CSNK1E: variants seen among roughly 807,000 people sequenced by gnomAD.
The protein encoded by CSNK1E is casein kinase 1 epsilon, also known as casein kinase I isoform epsilon.
A neutral mutation model predicts 46.1 loss-of-function variants in CSNK1E; 17 were observed. That is an observed-to-expected ratio of 0.37 (90% CI 0.25 to 0.55). CSNK1E has a LOEUF of 0.55. Ranked by LOEUF, CSNK1E falls within the 20% of genes least tolerant of loss-of-function variation. CSNK1E has a pLI of 0.82. For missense variants in CSNK1E, 386 were observed against 595.4 expected (o/e 0.65, Z 3.66); for synonymous variants, 241 against 242.6 (o/e 0.99, Z 0.06).
intron 6 of CSNK1E, 42 bp downstream of exon 6, chr22:38,299,853 T>TC (rs779946187): frequency 1.2e-6 from 2 of 1,601,200 alleles, no homozygotes; most frequent in African/African-American, 2.7e-5. Flanking sequence ...AGACAGTGCC[T>TC]CAGGGGCCCC....
Position 38,303,047 on chromosome 22 carries a change from GGC to G in CSNK1E, c.188-40_188-39del. 7.4e-5 allele frequency: 2 copies of G among 26,946 alleles called. No homozygotes were observed. The highest frequency in any genetic ancestry group is 1.1e-4 in the Non-Finnish European group (2 of 18,920). 1.7% of individuals were successfully genotyped at this position (26,946 alleles called of 1,614,324 possible). A position where few individuals can be genotyped will look rare whatever the true frequency, so the allele number is the denominator to read the frequency against. On this transcript the variant is annotated intron_variant, in intron 3 of 10. Transcript: ENST00000396832. This position sits in a 1 kb window ranked among gnomAD's most constrained non-coding sequence, Gnocchi z 4.7. ...CAGAGGGCCTCTGTCAGGGGTCAGA[GGC>G]AGGCAGCCAGCCACGCCCGGCCCAC...
Position 38,317,407 on chromosome 22 carries a change from GCCC to G in CSNK1E, c.-263_-261del, listed in dbSNP as rs917439783. On this transcript the variant is annotated 5_prime_UTR_variant, in exon 1 of 11. Transcript: ENST00000396832. ...CTCCCGGCCTCCTGCCCGCCCGCCCGCCCCCGCCGCCGGCTCGCGCGCTCTCGC... is the reference window on the plus strand; with the variant it reads ...CTCCCGGCCTCCTGCCCGCCCGCCCGCCGCCGCCGGCTCGCGCGCTCTCGC... 5.5e-5 allele frequency: 1 copy of G among 18,088 alleles called. No individual in the cohort carries two copies. The highest frequency in any genetic ancestry group is 1.2e-4 in the Non-Finnish European group (1 of 8,622). 1.1% of individuals were successfully genotyped at this position (18,088 alleles called of 1,614,324 possible).
chr22:38,292,881 C>A, intron 10 of CSNK1E: 1 of 266,664 alleles, frequency 3.8e-6, no homozygotes, highest in Non-Finnish European at 7.3e-6. Flanking sequence ...TGCGTAACAG[C>A]CCAGAGGCTG....
intron 2 of CSNK1E, among the ~76,000 whole-genome samples, chr22:38,313,400 G>A (rs1467862190): frequency 6.6e-6 from 1 of 152,374 alleles, no homozygotes; most frequent in South Asian, 2.1e-4. Flanking sequence ...CACAAAGGAA[G>A]GGCCAAGACT....
intron 1 of CSNK1E, among the ~76,000 whole-genome samples, chr22:38,315,854 T>C (rs1007246972): frequency 7.2e-5 from 11 of 151,916 alleles, no homozygotes; most frequent in African/African-American, 2.4e-4. Context: ...GACCCCCCAG[T>C]CTCTCCCCAC....
At chr22:38,311,481 C>CCT (rs25535) in intron 2 of CSNK1E, among the ~76,000 whole-genome samples, 1 of 151,958 alleles carries the variant, frequency 6.6e-6, no homozygotes, top group Non-Finnish European at 1.5e-5. Context: ...CAGCCATGGG[C>CCT]CTGTCTCCTG....
chr22:38,305,121 CAAAAAAAAAAAAAAAA>C (rs33987200), intron 2 of CSNK1E, among the ~76,000 whole-genome samples: 13 of 52,800 alleles, frequency 2.5e-4, no homozygotes, highest in Non-Finnish European at 1.3e-4. Flanking sequence ...AACTCCAGCT[CAAAAAAAAAAAAAAAA>C]AAAAAAAAAA....
intron 2 of CSNK1E, among the ~76,000 whole-genome samples, chr22:38,310,674 C>G (rs941594879): frequency 6.6e-6 from 1 of 152,244 alleles, no homozygotes; most frequent in Non-Finnish European, 1.5e-5. Context: ...CACCTCTGGA[C>G]CCTGCATGGG....
chr22:38,296,462 TG>T (rs2145830072), intron 7 of CSNK1E: 1 of 1,524,098 alleles, frequency 6.6e-7, no homozygotes, highest in East Asian at 2.3e-5. Context: ...GGGAAGGGCC[TG>T]GCCTCAGGGT....
chr22:38,308,425 A>C (rs555716716), intron 2 of CSNK1E, among the ~76,000 whole-genome samples: 1 of 152,052 alleles, frequency 6.6e-6, no homozygotes, highest in East Asian at 1.9e-4. Context: ...GAGGCAGGAG[A>C]GTGCAGCGGT....
intron 7 of CSNK1E, chr22:38,297,927 TG>T: frequency 1.8e-6 from 2 of 1,112,718 alleles, no homozygotes; most frequent in Non-Finnish European, 1.1e-6. Flanking sequence ...CCAGTAGTTT[TG>T]GGGGGACAGC....
intron 2 of CSNK1E, among the ~76,000 whole-genome samples, chr22:38,305,145 A>G (rs1413239672): frequency 1.3e-5 from 2 of 151,070 alleles, no homozygotes; most frequent in East Asian, 3.9e-4. Flanking sequence ...AAAAAAAAAA[A>G]AAGAAGAGTG....
At chr22:38,304,065 T>C (rs1405088753) in intron 2 of CSNK1E, among the ~76,000 whole-genome samples, 2 of 152,186 alleles carry the variant, frequency 1.3e-5, no homozygotes, top group African/African-American at 4.8e-5. Flanking sequence ...AAAGTGTACC[T>C]TGCCTCAGTT....
chr22:38,299,680 T>C (rs936873906), intron 6 of CSNK1E, among the ~76,000 whole-genome samples: 3 of 152,350 alleles, frequency 2.0e-5, no homozygotes, highest in East Asian at 3.9e-4. Flanking sequence ...GGGCTAATTT[T>C]TGTATTTTTA....
intron 4 of CSNK1E, among the ~76,000 whole-genome samples, 167 bp downstream of exon 4, chr22:38,302,694 G>T (rs959009424): frequency 3.3e-5 from 5 of 152,052 alleles, no homozygotes; most frequent in South Asian, 4.1e-4. Flanking sequence ...CTGGGCGACA[G>T]AGTGAGACTC....
Position 38,294,532 on chromosome 22 carries a change from A to G in CSNK1E, c.888T>C (p.Gly296=). Residue 296 remains glycine, a splice_region_variant and synonymous_variant, in exon 8 of 11, where the codon GGT becomes GGC. Coordinates refer to ENST00000396832, the MANE Select transcript of CSNK1E (RefSeq NM_152221.3). This position sits in a 1 kb window ranked among gnomAD's most constrained non-coding sequence, Gnocchi z 5.5. ...YVFDWNMLKF[G]AARNPEDVDR... is the part of the protein sequence containing the mutation. ...CCACATCCTCGGGATTCCGGGCTGC[A>G]CCCTGCAGGGATGCAAGAAAAGACA... is the stretch of plus-strand genomic sequence containing the variant. The G allele has an allele frequency of 6.3e-7, 1 of 1,584,616 alleles. No homozygotes were observed. Among genetic ancestry groups the G allele is most frequent in the Non-Finnish European group, 8.6e-7 (1 of 1,166,614 alleles).
Position 38,304,621 on chromosome 22 carries a change from G to C in CSNK1E, c.77-1373C>G, listed in dbSNP as rs117915943. On this transcript the variant is annotated intron_variant, in intron 2 of 10. Transcript: ENST00000396832. ...GCGCAGTCACCAGGGAATCCCAGGC[G>C]GCAGTGAAGAGGAAAGGATGCCTGC... Among the ~76,000 whole-genome samples, 172 of 152,242 alleles carry C rather than the reference G, an allele frequency of 1.1e-3. 4 individuals carry two copies. In the East Asian group the frequency reaches 0.025, roughly 22 times the overall value.
chr22:38,306,728 TCAAA>T (rs2092700311), intron 2 of CSNK1E, among the ~76,000 whole-genome samples: 2 of 22,128 alleles, frequency 9.0e-5, no homozygotes, highest in Non-Finnish European at 1.7e-4. Context: ...AGACTCCATC[TCAAA>T]AAAAAAAAAA....
intron 2 of CSNK1E, among the ~76,000 whole-genome samples, chr22:38,307,847 C>T (rs981430894): frequency 2.6e-5 from 4 of 152,198 alleles, no homozygotes; most frequent in Non-Finnish European, 5.9e-5. Flanking sequence ...AGGCGCAAGC[C>T]ACCACACCTG....
Sources: gnomAD v4.1 joint callset for allele counts (sites outside exome capture counted in the v4.1 genomes callset) on GRCh38, gnomAD v4.1.1 for gene constraint, Gnocchi (gnomAD v3.1) non-coding constraint, MANE v1.5 for transcripts, NCBI Gene and HGNC (gene_info 2026-07-23, HGNC 2026-07-21) for gene names.